KMT2B: variants seen among roughly 807,000 people sequenced by gnomAD.
KMT2B encodes the protein histone-lysine N-methyltransferase 2B.
Under a neutral mutation model 255.3 loss-of-function variants are expected in KMT2B, and 22 were observed. The observed-to-expected ratio is 0.09, with a 90% confidence interval of 0.06 to 0.12. KMT2B has a LOEUF of 0.12. KMT2B is among the 10% of genes least tolerant of loss of function. The pLI is 1.00. For synonymous variants in KMT2B, 1,730 were observed against 1,498.1 expected (o/e 1.15, Z -3.57); for missense variants, 3,149 against 3,737.0 (o/e 0.84, Z 4.10).
chr19:35,729,967 C>T lies in KMT2B; in HGVS notation c.4918C>T (p.Arg1640Cys). The stretch of plus-strand genomic sequence containing the variant: ...CCCTGAGCTGCCCTCCCCTACGCAG[C>T]GCTGCGAGCTCTGCCTGAAGCCTGG... ...HAAVARGRQMRCELCLKPGAT... is the reference protein window; with the variant it reads ...HAAVARGRQMCCELCLKPGAT... Residue 1640 changes from arginine to cysteine, a missense_variant and splice_region_variant, in exon 23 of 37, where the codon CGC (arginine) becomes TGC (cysteine). By Grantham distance (180) the Arg-to-Cys change is radical (BLOSUM62 -3). Around this residue, in one of 18 missense-constraint regions of KMT2B, gnomAD observed 14 missense variants for 69.9 expected, o/e 0.20. Coordinates refer to ENST00000420124, the MANE Select transcript of KMT2B (RefSeq NM_014727.3). 6.2e-7 allele frequency: 1 copy of T among 1,611,774 alleles called. No individual in the cohort carries two copies. Among genetic ancestry groups the T allele is most frequent in the Non-Finnish European group, 8.5e-7 (1 of 1,179,398 alleles).
chr19:35,736,663 TCACTC>T, intron 30 of KMT2B, 22 bp from the exon 31 acceptor site: 2 of 1,610,468 alleles, frequency 1.2e-6, no homozygotes, highest in Non-Finnish European at 1.7e-6. Context: ...AGGGTGATCT[TCACTC>T]CAACCTGCTT....
chr19:35,719,711 T>A, intron 2 of KMT2B, 73 bp from the exon 3 acceptor site: 1 of 1,533,296 alleles, frequency 6.5e-7, no homozygotes, highest in African/African-American at 1.4e-5. Flanking sequence ...ACTTAGTCCC[T>A]GCCCTCCTGG....
chr19:35,723,618 G>A lies in KMT2B; in HGVS notation c.3059-114G>A. ...GCTCACCCTCTCCATCTTCTCCGTT[G>A]TGTGCTTTCATAGCTCCTGCGTTCA... On this transcript the variant is annotated intron_variant, in intron 7 of 36. Coordinates refer to ENST00000420124, the MANE Select transcript of KMT2B (RefSeq NM_014727.3). The surrounding 1 kb of genome is among the most constrained non-coding windows in gnomAD (Gnocchi z 7.5). The A allele has an allele frequency of 1.5e-6, 2 of 1,299,148 alleles. No homozygotes were observed. Among genetic ancestry groups the A allele is most frequent in the Non-Finnish European group, 2.1e-6 (2 of 949,680 alleles). 80.5% of individuals were successfully genotyped at this position (1,299,148 alleles called of 1,614,324 possible). A position where few individuals can be genotyped will look rare whatever the true frequency, so the allele number is the denominator to read the frequency against.
chr19:35,723,117 C>T lies in KMT2B; in HGVS notation c.2845C>T (p.Pro949Ser). 6.2e-7 allele frequency: 1 copy of T among 1,613,396 alleles called. No homozygotes were observed. Among genetic ancestry groups the T allele is most frequent in the Non-Finnish European group, 8.5e-7 (1 of 1,179,850 alleles). The change falls in exon 6 of 37, where the codon CCC becomes TCC. Residue 949 changes from proline to serine, a missense_variant. Around this residue, in one of 18 missense-constraint regions of KMT2B, gnomAD observed 132 missense variants for 174.7 expected, o/e 0.76. Coordinates refer to ENST00000420124, the MANE Select transcript of KMT2B (RefSeq NM_014727.3). The surrounding 1 kb of genome is among the most constrained non-coding windows in gnomAD (Gnocchi z 7.5). ...TTCTGGAGGGACCCTGGCCCACACA[C>T]CCCGGCGCTCACTGCCCTCCCATCA... ...TGSGGTLAHT[P>S]RRSLPSHHGK... is the part of the protein sequence containing the mutation.
In KMT2B at chr19:35,721,457, C is replaced by T. The variant is rs541659302; in HGVS notation, c.2110C>T (p.Leu704=). ...AGTGGGCCGCACCAACCACCTCAGC[C>T]TGCCTCGATTCGCCCCTGTGGTCAC... ...RAVGRTNHLS[L]PRFAPVVTTP... Residue 704 remains leucine (L), a synonymous_variant, in exon 3 of 37, where the codon CTG becomes TTG. Transcript: ENST00000420124. 3.1e-5 allele frequency: 50 copies of T among 1,612,822 alleles called. No homozygotes were observed. The East Asian group carries it at 1.1e-3, about 35-fold the overall frequency.
rs201152143 is a variant in KMT2B, at chr19:35,720,452, A to AAAG, written c.1117_1119dup (p.Glu373dup). On this transcript the variant is annotated inframe_insertion, in exon 3 of 37. Transcript: ENST00000420124. ...GCTGGATGACGAGGAAGAAGAGAAG[A>AAAG]AAGAAGAAGAAGAAAAAGACAAGGA... 7 of 1,551,866 alleles carry AAAG rather than the reference A, an allele frequency of 4.5e-6. No homozygotes were observed. The highest frequency in any genetic ancestry group is 5.2e-6 in the Non-Finnish European group (6 of 1,146,810).
chr19:35,737,075 T>C lies in KMT2B; in HGVS notation c.7373-11T>C, dbSNP rs546830954. 2.5e-6 allele frequency: 4 copies of C among 1,610,350 alleles called. No homozygotes were observed. Among genetic ancestry groups the C allele is most frequent in the Non-Finnish European group, 3.4e-6 (4 of 1,177,882 alleles). On this transcript the variant is annotated splice_polypyrimidine_tract_variant and intron_variant, in intron 32 of 36. Coordinates refer to ENST00000420124, the MANE Select transcript of KMT2B (RefSeq NM_014727.3). The surrounding 1 kb of genome is among the most constrained non-coding windows in gnomAD (Gnocchi z 5.3). ...CCACATGACAGGTGTGTCCTCAACA[T>C]CTCCCCTCAGGAATGAGTGGGGCGA...
At position 35,720,157 on chromosome 19, in the gene KMT2B, G is replaced by C; in HGVS notation, c.810G>C (p.Glu270Asp). ...KHQTGSWKCK[E>D]GPGPGPGTPR... ...AGACTGGCAGCTGGAAATGCAAGGAGGGGCCCGGTCCAGGACCTGGGACCC... is the reference window on the plus strand; with the variant it reads ...AGACTGGCAGCTGGAAATGCAAGGACGGGCCCGGTCCAGGACCTGGGACCC... The change falls in exon 3 of 37, where the codon GAG becomes GAC. Residue 270 changes from glutamate to aspartate, a missense_variant. Transcript: ENST00000420124. 1.9e-6 allele frequency: 3 copies of C among 1,601,328 alleles called. No individual in the cohort carries two copies. In the South Asian group the frequency reaches 3.4e-5, roughly 18 times the overall value.
intron 22 of KMT2B, among the ~76,000 whole-genome samples, chr19:35,729,593 G>A (rs1190676502): frequency 2.0e-5 from 3 of 152,158 alleles, no homozygotes; most frequent in Non-Finnish European, 2.9e-5. Context: ...TCCCCGTGAG[G>A]TTAGAATTCC....
chr19:35,736,336 A>C, intron 30 of KMT2B: 1 of 211,470 alleles, frequency 4.7e-6, no homozygotes. Context: ...ATTCTCCAGT[A>C]TTTTAAATTT....
In KMT2B at chr19:35,721,635, C is replaced by T. The variant is rs370359238; in HGVS notation, c.2288C>T (p.Pro763Leu). ...CCACCACAGCCACAGCTGCAGCCAC[C>T]GCCGTCACCACAGCAGATGCCTCCC... ...LPPPQPQLQP[P>L]PSPQQMPPLE... is the part of the protein sequence containing the mutation. The change falls in exon 3 of 37, where the codon CCG (proline) becomes CTG (leucine). Residue 763 changes from proline (P) to leucine (L), a missense_variant. Pro to Leu is a moderately conservative substitution (Grantham distance 98, BLOSUM62 -3). Around this residue, in one of 18 missense-constraint regions of KMT2B, gnomAD observed 1,188 missense variants for 1,106.4 expected, o/e 1.07. Transcript: ENST00000420124. The T allele has an allele frequency of 2.8e-5, 45 of 1,610,338 alleles. No individual in the cohort carries two copies. The highest frequency in any genetic ancestry group is 2.5e-4 in the East Asian group (11 of 44,888).
In KMT2B at chr19:35,720,195, G is replaced by A. The variant is rs752540835; in HGVS notation, c.848G>A (p.Gly283Glu). 6.2e-6 allele frequency: 10 copies of A among 1,608,060 alleles called. No homozygotes were observed. The highest frequency in any genetic ancestry group is 8.5e-6 in the Non-Finnish European group (10 of 1,177,596). ...GGACCTGGGACCCCCAGGCGTGGAG[G>A]ACAGTCAAGCCGTGGAGGCCGTGGA... ...GPGPGTPRRG[G>E]QSSRGGRGGR... is the part of the protein sequence containing the mutation. Residue 283 changes from glycine to glutamate, a missense_variant, in exon 3 of 37, where the codon GGA (glycine) becomes GAA (glutamate). By Grantham distance (98) the Gly-to-Glu change is moderately conservative. Around this residue, in one of 18 missense-constraint regions of KMT2B, gnomAD observed 1,188 missense variants for 1,106.4 expected, o/e 1.07. Transcript: ENST00000420124.
Position 35,738,195 on chromosome 19 carries a change from G to T in KMT2B, c.7872+4G>T. 1 of 1,613,798 alleles carries T rather than the reference G, an allele frequency of 6.2e-7. No individual in the cohort carries two copies. On this transcript the variant is annotated splice_donor_region_variant and intron_variant, in intron 36 of 36. Coordinates refer to ENST00000420124, the MANE Select transcript of KMT2B (RefSeq NM_014727.3). The surrounding 1 kb of genome is among the most constrained non-coding windows in gnomAD (Gnocchi z 8.7). ...GGAGAAGTTCTACGATGGGAAGGTG[G>T]GCTCCCAGTGGCTGTGGGAAGACAG...
Position 35,732,371 on chromosome 19 carries a change from T to C in KMT2B, c.5822T>C (p.Val1941Ala), listed in dbSNP as rs1398429398. 2 of 1,612,630 alleles carry C rather than the reference T, an allele frequency of 1.2e-6. No individual in the cohort carries two copies. The highest frequency in any genetic ancestry group is 1.1e-5 in the South Asian group (1 of 90,838). The change falls in exon 28 of 37, where the codon GTG (valine) becomes GCG (alanine). Residue 1941 changes from valine to alanine, a missense_variant. Val to Ala is a moderately conservative substitution (Grantham distance 64). Around this residue, in one of 18 missense-constraint regions of KMT2B, gnomAD observed 897 missense variants for 825.3 expected, o/e 1.09. Coordinates refer to ENST00000420124, the MANE Select transcript of KMT2B (RefSeq NM_014727.3). ...CTAAAAACCTCCCCTCAGCTCAGGG[T>C]GCCCCCTCCTACCTCAGTCGTCACA... ...PPLKTSPQLR[V>A]PPPTSVVTAL...
intron 30 of KMT2B, among the ~76,000 whole-genome samples, chr19:35,734,319 C>G (rs947717238): frequency 1.3e-5 from 2 of 152,278 alleles, no homozygotes; most frequent in Admixed American, 1.3e-4. Flanking sequence ...GCCACAGAGA[C>G]TGCCAGGCCT....
rs1417366119 is a variant in KMT2B at position 35,729,258 on chromosome 19, A to C, written c.4879A>C (p.Lys1627Gln). The C allele has an allele frequency of 6.2e-7, 1 of 1,603,824 alleles. No homozygotes were observed. Among genetic ancestry groups the C allele is most frequent in the Non-Finnish European group, 8.5e-7 (1 of 1,175,330 alleles). ...EVFEENDGSL[K>Q]NVHAAVARGR... ...CTTCGAGGAGAACGACGGCTCCCTC[A>C]AGAATGTGCATGCTGCTGTGGCCCG... Residue 1627 changes from lysine (K) to glutamine (Q), a missense_variant, in exon 22 of 37, where the codon AAG becomes CAG. By Grantham distance (53) the Lys-to-Gln change is moderately conservative (BLOSUM62 1). Coordinates refer to ENST00000420124, the MANE Select transcript of KMT2B (RefSeq NM_014727.3).
Position 35,722,650 on chromosome 19 carries a change from T to C in KMT2B, c.2654T>C (p.Met885Thr), listed in dbSNP as rs1432909932. Residue 885 changes from methionine (M) to threonine (T), a missense_variant, in exon 5 of 37, where the codon ATG becomes ACG. By Grantham distance (81) the Met-to-Thr change is moderately conservative. This residue lies in a region of KMT2B where 132 missense variants were observed against 174.7 expected (regional missense o/e 0.76). Transcript: ENST00000420124. ...GTGGCCCTGGGTCAGGCCCGGGCCATGGTGCCTGAAGATGTCCCTCGCCTC... is the reference window on the plus strand; with the variant it reads ...GTGGCCCTGGGTCAGGCCCGGGCCACGGTGCCTGAAGATGTCCCTCGCCTC... ...AAVALGQARA[M>T]VPEDVPRLSA... 1 of 1,612,982 alleles carries C rather than the reference T, an allele frequency of 6.2e-7. No homozygotes were observed. The highest frequency in any genetic ancestry group is 1.3e-5 in the African/African-American group (1 of 75,044).
At chr19:35,728,238 A>G in intron 19 of KMT2B, 67 bp downstream of exon 19, 1 of 1,391,464 alleles carries the variant, frequency 7.2e-7, no homozygotes, top group Non-Finnish European at 1.0e-6. Flanking sequence ...TGCAGGGGCC[A>G]CGCTGGGCTG....
Position 35,719,781 on chromosome 19 carries a change from T to C in KMT2B, c.437-3T>C. On this transcript the variant is annotated splice_region_variant and splice_polypyrimidine_tract_variant and intron_variant, in intron 2 of 36. Coordinates refer to ENST00000420124, the MANE Select transcript of KMT2B (RefSeq NM_014727.3). ...CATCTCCCCACAACTATTCTCCTTT[T>C]AGGTCGAGCGCCCCGAGGTCGGGGT... The C allele has an allele frequency of 6.3e-7, 1 of 1,580,848 alleles. No homozygotes were observed. Among genetic ancestry groups the C allele is most frequent in the Non-Finnish European group, 8.6e-7 (1 of 1,164,656 alleles).
Sources: allele counts gnomAD v4.1 joint callset (sites outside exome capture counted in the v4.1 genomes callset), GRCh38; gene constraint gnomAD v4.1.1; regional missense constraint gnomAD v4.1.1; non-coding constraint Gnocchi (gnomAD v3.1); transcripts MANE v1.5; gene names NCBI Gene and HGNC (gene_info 2026-07-23, HGNC 2026-07-21).